The following BRD2 variants were observed in gnomAD, a reference collection of about 807,000 sequenced individuals.
The protein encoded by BRD2 is bromodomain containing 2.
In BRD2, 15 loss-of-function variants were observed where a neutral mutation model predicts 79.1. That is an observed-to-expected ratio of 0.19 (90% CI 0.13 to 0.29). The LOEUF is 0.29. Ranked by LOEUF, BRD2 falls within the 10% of genes least tolerant of loss-of-function variation. The pLI, the probability that BRD2 is intolerant of heterozygous loss-of-function variation, is 1.00. For synonymous variants in BRD2, 488 were observed against 358.6 expected, an observed-to-expected ratio of 1.36 and a Z score of -4.08; for missense variants, 1,053 against 991.3, an observed-to-expected ratio of 1.06 and a Z score of -0.84.
At position 32,971,703 on chromosome 6, in the gene BRD2, T is replaced by C. The variant is rs891508162; in HGVS notation, c.-1196T>C. On this transcript the variant is annotated 5_prime_UTR_variant, in exon 2 of 13. Transcript: ENST00000374825. The stretch of plus-strand genomic sequence containing the variant: ...CTACGCCCACGCGACCCCTCCCGTT[T>C]CCCTGCTTTGGCCAATGGAGGAGCT... 1.1e-5 allele frequency: 6 copies of C among 523,606 alleles called. No individual in the cohort carries two copies. Among genetic ancestry groups the C allele is most frequent in the African/African-American group, 2.0e-5 (1 of 49,914 alleles). 32.4% of individuals were successfully genotyped at this position (523,606 alleles called of 1,614,324 possible).
In BRD2 at chr6:32,972,229, G is replaced by A; in HGVS notation, c.-670G>A. ...TCGTGCTGGAGTGGAGCAGCCTCTA[G>A]AACGAGCTGGAGGATTCTGCCTACC... is the stretch of plus-strand genomic sequence containing the variant. On this transcript the variant is annotated 5_prime_UTR_variant, in exon 2 of 13. An upstream open reading frame in the 5' UTR loses its in-frame stop. Transcript: ENST00000374825. The A allele has an allele frequency of 2.0e-6, 1 of 500,012 alleles. No individual in the cohort carries two copies. The highest frequency in any genetic ancestry group is 3.7e-6 in the Non-Finnish European group (1 of 272,352). The allele number at this position is 500,012 out of a possible 1,614,324, so 31.0% of individuals were successfully genotyped here. A position where few individuals can be genotyped will look rare whatever the true frequency, so the allele number is the denominator to read the frequency against.
chr6:32,968,806 G>A lies in BRD2; in HGVS notation c.-1555G>A. ...TCGGAAAGCTGGTCCTCGTGGCTGG[G>A]GGAAAGGCGGGGGGTGGGGGGGAAG... On this transcript the variant is annotated 5_prime_UTR_variant, in exon 1 of 13. Coordinates refer to ENST00000374825, the MANE Select transcript of BRD2 (RefSeq NM_005104.4). 1 of 154,684 alleles carries A rather than the reference G, an allele frequency of 6.5e-6. No individual in the cohort carries two copies. The highest frequency in any genetic ancestry group is 1.4e-5 in the Non-Finnish European group (1 of 69,504). 9.6% of individuals were successfully genotyped at this position (154,684 alleles called of 1,614,324 possible).
chr6:32,969,054 C>T lies in BRD2; in HGVS notation c.-1307C>T. On this transcript the variant is annotated splice_region_variant and 5_prime_UTR_variant, in exon 1 of 13. Coordinates refer to ENST00000374825, the MANE Select transcript of BRD2 (RefSeq NM_005104.4). The stretch of plus-strand genomic sequence containing the variant: ...AGGCCCCCTGGAAGGCTTTAGGATC[C>T]AGGTGAGAAGGGGCCCTTGTGGGGC... The T allele has an allele frequency of 2.2e-6, 1 of 450,036 alleles. No individual in the cohort carries two copies. Among genetic ancestry groups the T allele is most frequent in the Non-Finnish European group, 4.0e-6 (1 of 247,398 alleles). 27.9% of individuals were successfully genotyped at this position (450,036 alleles called of 1,614,324 possible).
chr6:32,972,610 G>A lies in BRD2; in HGVS notation c.-289G>A. On this transcript the variant is annotated 5_prime_UTR_variant, in exon 2 of 13. Transcript: ENST00000374825. ...TATTGACGACGGTGTCTGAGATCGG[G>A]GACCGTCTTTTGAAGAGTCAGTCCC... 1.8e-6 allele frequency: 1 copy of A among 567,808 alleles called. No homozygotes were observed. The highest frequency in any genetic ancestry group is 3.1e-6 in the Non-Finnish European group (1 of 318,788). The allele number at this position is 567,808 out of a possible 1,614,324, so 35.2% of individuals were successfully genotyped here. A position where few individuals can be genotyped will look rare whatever the true frequency, so the allele number is the denominator to read the frequency against.
rs769037717 is a variant in BRD2, at chr6:32,976,290, C to T, written c.651C>T (p.Ala217=). The change falls in exon 6 of 13, where the codon GCC becomes GCT. Residue 217 remains alanine (A), a synonymous_variant. Coordinates refer to ENST00000374825, the MANE Select transcript of BRD2 (RefSeq NM_005104.4). ...TTACCAGTGCCCATCAGGTGCCTGC[C>T]GTCTCTTCTGTGTCACACACAGCCC... ...GSVTSAHQVP[A]VSSVSHTALY... The T allele has an allele frequency of 3.0e-5, 48 of 1,612,922 alleles. No homozygotes were observed. Among genetic ancestry groups the T allele is most frequent in the East Asian group, 1.8e-4 (8 of 44,902 alleles).
chr6:32,978,589 T>C, intron 10 of BRD2: 1 of 831,054 alleles, frequency 1.2e-6, no homozygotes, highest in Non-Finnish European at 1.8e-6. Context: ...GGGGATGGTT[T>C]TTGGGATGAA....
At chr6:32,979,563 G>C (rs1351377122) in intron 10 of BRD2, 2 of 455,654 alleles carry the variant, frequency 4.4e-6, no homozygotes, top group Non-Finnish European at 7.7e-6. Flanking sequence ...CAACATGTTT[G>C]TGTGTCACAT....
In BRD2 at chr6:32,980,729, C is replaced by T; in HGVS notation, c.*11C>T. ...TCAGACTCAGGCTAAGGGGTCAGGC[C>T]AGATGGGGCAGGAAGGCTCCGCAGG... On this transcript the variant is annotated 3_prime_UTR_variant, in exon 13 of 13. Transcript: ENST00000374825. 6.2e-7 allele frequency: 1 copy of T among 1,612,284 alleles called. No homozygotes were observed. Among genetic ancestry groups the T allele is most frequent in the Non-Finnish European group, 8.5e-7 (1 of 1,180,042 alleles).
Position 32,977,544 on chromosome 6 carries a change from G to C in BRD2, c.1303G>C (p.Val435Leu). The part of the protein sequence containing the change: ...CYKYNPPDHD[V>L]VAMARKLQDV... Reference sequence around the variant, plus strand: ...TAAGTACAATCCCCCAGATCACGATGTTGTGGCAATGGCACGAAAGCTACA... The same window carrying C: ...TAAGTACAATCCCCCAGATCACGATCTTGTGGCAATGGCACGAAAGCTACA... Residue 435 changes from valine to leucine, a missense_variant, in exon 8 of 13, where the codon GTT (valine) becomes CTT (leucine). By Grantham distance (32) the Val-to-Leu change is conservative (BLOSUM62 1). This residue lies in a region of BRD2 where 454 missense variants were observed against 430.5 expected (regional missense o/e 1.05). Coordinates refer to ENST00000374825, the MANE Select transcript of BRD2 (RefSeq NM_005104.4). 6.2e-7 allele frequency: 1 copy of C among 1,614,054 alleles called. No individual in the cohort carries two copies. Among genetic ancestry groups the C allele is most frequent in the Non-Finnish European group, 8.5e-7 (1 of 1,180,050 alleles).
chr6:32,969,023 C>G lies in BRD2; in HGVS notation c.-1338C>G. On this transcript the variant is annotated 5_prime_UTR_variant, in exon 1 of 13. Coordinates refer to ENST00000374825, the MANE Select transcript of BRD2 (RefSeq NM_005104.4). ...ATACCCCGTACCAAGCCGAGGGCAACTTTGGAGGCCCCCTGGAAGGCTTTA... is the reference window on the plus strand; with the variant it reads ...ATACCCCGTACCAAGCCGAGGGCAAGTTTGGAGGCCCCCTGGAAGGCTTTA... 1 of 352,336 alleles carries G rather than the reference C, an allele frequency of 2.8e-6. No individual in the cohort carries two copies. Among genetic ancestry groups the G allele is most frequent in the Non-Finnish European group, 5.2e-6 (1 of 191,440 alleles). 21.8% of individuals were successfully genotyped at this position (352,336 alleles called of 1,614,324 possible).
Position 32,980,531 on chromosome 6 carries a change from C to G in BRD2, c.2270-51C>G, listed in dbSNP as rs2066739. 2.5e-3 allele frequency: 3,964 copies of G among 1,612,310 alleles called. 15 individuals are homozygous for G. The highest frequency in any genetic ancestry group is 0.011 in the Middle Eastern group (69 of 6,062). ...TGCCTTCTTGACTGTCTTTTATTGA[C>G]AAATGAAGATTCAGACTTGAACGTC... On this transcript the variant is annotated intron_variant, in intron 12 of 12. Transcript: ENST00000374825.
At chr6:32,978,726 C>T (rs1779106355) in intron 10 of BRD2, 2 of 354,616 alleles carry the variant, frequency 5.6e-6, no homozygotes, top group Non-Finnish European at 5.1e-6. Flanking sequence ...GCTGATGTGA[C>T]AGGCAGTGAT....
chr6:32,972,582 C>T lies in BRD2; in HGVS notation c.-317C>T. On this transcript the variant is annotated 5_prime_UTR_variant, in exon 2 of 13. Transcript: ENST00000374825. Reference sequence around the variant, plus strand: ...GGAATCCCTGCAGACCAACAGCGGGCTATATTGACGACGGTGTCTGAGATC... The same window carrying T: ...GGAATCCCTGCAGACCAACAGCGGGTTATATTGACGACGGTGTCTGAGATC... 1.9e-6 allele frequency: 1 copy of T among 523,982 alleles called. No individual in the cohort carries two copies. Among genetic ancestry groups the T allele is most frequent in the South Asian group, 2.3e-5 (1 of 43,460 alleles). 32.5% of individuals were successfully genotyped at this position (523,982 alleles called of 1,614,324 possible).
chr6:32,973,152 A>G, intron 2 of BRD2: 5 of 1,545,828 alleles, frequency 3.2e-6, no homozygotes, highest in Non-Finnish European at 8.7e-7. Context: ...TACGCTATTA[A>G]TGCCGCCGTG....
chr6:32,974,067 C>T (rs1398163167), intron 2 of BRD2, among the ~76,000 whole-genome samples: 6 of 152,114 alleles, frequency 3.9e-5, no homozygotes, highest in Admixed American at 1.3e-4. Flanking sequence ...ACCATGGCAA[C>T]CACCAAACCC....
rs774281847 is a variant in BRD2 at position 32,976,647 on chromosome 6, G to A, written c.911G>A (p.Gly304Glu). Residue 304 changes from glycine to glutamate, a missense_variant, in exon 7 of 13, where the codon GGG becomes GAG. Coordinates refer to ENST00000374825, the MANE Select transcript of BRD2 (RefSeq NM_005104.4). ...CCTGGTTCTCCAGCTAGCCCTCCTG[G>A]GAGTCTTGAGCCTAAGGCAGCACGG... ...LAPGSPASPP[G>E]SLEPKAARLP... 6.2e-7 allele frequency: 1 copy of A among 1,612,588 alleles called. No individual in the cohort carries two copies. The highest frequency in any genetic ancestry group is 1.3e-5 in the African/African-American group (1 of 75,038).
At chr6:32,973,806 T>C (rs1778352296) in intron 2 of BRD2, among the ~76,000 whole-genome samples, 1 of 151,898 alleles carries the variant, frequency 6.6e-6, no homozygotes, top group African/African-American at 2.4e-5. Flanking sequence ...TTGGTGCGAA[T>C]AATTTTGAGG....
rs1206641140 is a variant in BRD2, at chr6:32,980,987, G to C, written c.*269G>C. ...ATTCAAAATGGGGCAGGGCAAGGGT[G>C]GGAGTGTGCAAAGCCCTGATCTGGA... On this transcript the variant is annotated 3_prime_UTR_variant, in exon 13 of 13. Coordinates refer to ENST00000374825, the MANE Select transcript of BRD2 (RefSeq NM_005104.4). 2.0e-6 allele frequency: 1 copy of C among 491,012 alleles called. No individual in the cohort carries two copies. The highest frequency in any genetic ancestry group is 3.7e-6 in the Non-Finnish European group (1 of 269,034). The allele number at this position is 491,012 out of a possible 1,614,324, so 30.4% of individuals were successfully genotyped here.
Position 32,978,182 on chromosome 6 carries a change from C to T in BRD2, c.1635C>T (p.Pro545=), listed in dbSNP as rs1225979957. ...TGTCCCAGGGTCCAATATCCAAGCC[C>T]AAGAGGAAAAGAGAGAAAAAAGAGA... ...AALSQGPISK[P]KRKREKKEKK... is the part of the protein sequence containing the mutation. Residue 545 remains proline (P), a synonymous_variant, in exon 10 of 13, where the codon CCC becomes CCT. Coordinates refer to ENST00000374825, the MANE Select transcript of BRD2 (RefSeq NM_005104.4). The T allele has an allele frequency of 1.2e-6, 2 of 1,612,578 alleles. No homozygotes were observed. The highest frequency in any genetic ancestry group is 1.3e-5 in the African/African-American group (1 of 74,762).
Sources: allele counts gnomAD v4.1 joint callset (sites outside exome capture counted in the v4.1 genomes callset), GRCh38; gene constraint gnomAD v4.1.1; regional missense constraint gnomAD v4.1.1; transcripts MANE v1.5; gene names NCBI Gene and HGNC (gene_info 2026-07-23, HGNC 2026-07-21).